PDE10A: variants seen among roughly 807,000 people sequenced by gnomAD.
PDE10A encodes cAMP and cAMP-inhibited cGMP 3',5'-cyclic phosphodiesterase 10A.
PDE10A carries 39 observed loss-of-function variants against 97.7 expected under a neutral mutation model. The ratio of observed to expected loss-of-function variants is 0.40; its 90% CI spans 0.31 to 0.52. The LOEUF (loss-of-function observed/expected upper bound fraction) is 0.52. Ranked by LOEUF, PDE10A falls within the 20% of genes least tolerant of loss-of-function variation. The pLI is 0.56. For missense variants in PDE10A, 731 were observed against 1,047.8 expected (o/e 0.70, Z 4.17); for synonymous variants, 371 against 376.8 (o/e 0.98, Z 0.18).
chr6:165,783,218 C>A (rs990589138), intron 1 of PDE10A, among the ~76,000 whole-genome samples: 1 of 152,154 alleles, frequency 6.6e-6, no homozygotes, highest in East Asian at 1.9e-4. Flanking sequence ...ACAGAGGGCA[C>A]CTCATCACAC....
At chr6:165,619,169 G>C (rs111210784) in intron 1 of PDE10A, among the ~76,000 whole-genome samples, 16,426 of 130,210 alleles carry the variant, frequency 0.13, 2,094 homozygotes, top group African/African-American at 0.3. Context: ...GTAGTGTAGT[G>C]TAGTCTAGTG....
chr6:165,746,246 A>C (rs1792839894), intron 1 of PDE10A, among the ~76,000 whole-genome samples: 1 of 152,208 alleles, frequency 6.6e-6, no homozygotes, highest in Non-Finnish European at 1.5e-5. Context: ...CAATTTGTTC[A>C]TTTTTATAAG....
chr6:165,467,647 AAATATT>A (rs1279736316), intron 3 of PDE10A, among the ~76,000 whole-genome samples: 1 of 152,222 alleles, frequency 6.6e-6, no homozygotes, highest in African/African-American at 2.4e-5. Flanking sequence ...ATTCCTTTCA[AAATATT>A]AATCCTTGGC....
chr6:165,617,042 C>A (rs886242160), intron 1 of PDE10A, among the ~76,000 whole-genome samples: 2 of 152,192 alleles, frequency 1.3e-5, no homozygotes, highest in African/African-American at 4.8e-5. Flanking sequence ...TAGAGATATT[C>A]TCAATAATGA....
intron 1 of PDE10A, chr6:165,939,378 C>T (rs1416993640): frequency 1.3e-5 from 2 of 152,118 alleles, no homozygotes; most frequent in Admixed American, 6.5e-5. Flanking sequence ...TTTTTTAAAA[C>T]GTTTGCATAG....
In PDE10A at chr6:165,418,100, C is replaced by A. The variant is rs1405198489; in HGVS notation, c.1796+535G>T. Among the ~76,000 whole-genome samples, 2 of 152,260 alleles carry A rather than the reference C, an allele frequency of 1.3e-5. No individual in the cohort carries two copies. The highest frequency in any genetic ancestry group is 3.9e-4 in the East Asian group (2 of 5,180). On this transcript the variant is annotated intron_variant, in intron 11 of 21. Transcript: ENST00000539869. The surrounding 1 kb of genome is among the most constrained non-coding windows in gnomAD (Gnocchi z 4.8). ...TCCATTCTGTTCATTTAAGTGACAA[C>A]GGCTGCCACTTAAAAAAACAAAGAC...
intron 1 of PDE10A, among the ~76,000 whole-genome samples, chr6:165,631,614 T>C (rs535612706): frequency 4.0e-4 from 61 of 152,362 alleles, no homozygotes; most frequent in African/African-American, 1.5e-3. Context: ...TTAAAGAGTT[T>C]CAACATTTTT....
intron 4 of PDE10A, among the ~76,000 whole-genome samples, chr6:165,449,232 A>G (rs1055799284): frequency 2.0e-4 from 31 of 152,262 alleles, no homozygotes; most frequent in African/African-American, 7.5e-4. Flanking sequence ...AACGTACCAC[A>G]TAGTAACATA....
chr6:165,943,226 AGAAAGAAAGAAGGAAG>A (rs1361600473), intron 1 of PDE10A, among the ~76,000 whole-genome samples: 828 of 49,770 alleles, frequency 0.017, 16 homozygotes, highest in Non-Finnish European at 0.02. Context: ...AAAGAAAGAA[AGAAAGAAAGAAGGAAG>A]GAAGGAAGGA....
intron 1 of PDE10A, among the ~76,000 whole-genome samples, chr6:165,784,236 G>GA (rs1562735276): frequency 6.7e-6 from 1 of 148,274 alleles, no homozygotes; most frequent in African/African-American, 2.6e-5. Flanking sequence ...AAAAAAAAAA[G>GA]AAAAAAGAAA....
chr6:165,814,532 T>A (rs1057273308), intron 1 of PDE10A, among the ~76,000 whole-genome samples: 1 of 152,110 alleles, frequency 6.6e-6, no homozygotes, highest in Admixed American at 6.6e-5. Context: ...CACGGCCATT[T>A]CCCCCATGAC....
At chr6:165,386,373 C>T (rs115548130) in intron 17 of PDE10A, among the ~76,000 whole-genome samples, 2,043 of 152,280 alleles carry the variant, frequency 0.013, 50 homozygotes, top group African/African-American at 0.046. Context: ...ATATTTAATA[C>T]AGCCTTTCTA....
chr6:165,411,045 C>CAA, intron 13 of PDE10A, among the ~76,000 whole-genome samples: 1 of 109,398 alleles, frequency 9.1e-6, no homozygotes, highest in African/African-American at 4.4e-5. Context: ...CGAGACAGCG[C>CAA]CACTGCCCTC....
intron 1 of PDE10A, among the ~76,000 whole-genome samples, chr6:165,591,386 C>CAT (rs1422837777): frequency 1.4e-4 from 22 of 152,212 alleles, no homozygotes; most frequent in African/African-American, 5.1e-4. Context: ...ATGAAATTAG[C>CAT]ATGATTGTAT....
At chr6:165,751,983 A>AC (rs1163047567) in intron 1 of PDE10A, among the ~76,000 whole-genome samples, 1 of 151,948 alleles carries the variant, frequency 6.6e-6, no homozygotes, top group East Asian at 1.9e-4. Context: ...ACTAAAAAAA[A>AC]AGTGAAAAAA....
chr6:165,436,986 T>A (rs563159340), intron 5 of PDE10A, among the ~76,000 whole-genome samples: 1 of 152,308 alleles, frequency 6.6e-6, no homozygotes, highest in South Asian at 2.1e-4. Context: ...AAATTGGAAT[T>A]GACAACGATT....
chr6:165,364,027 T>C (rs1783601812), intron 18 of PDE10A, among the ~76,000 whole-genome samples: 2 of 152,234 alleles, frequency 1.3e-5, no homozygotes, highest in Non-Finnish European at 2.9e-5. Flanking sequence ...TCACATGGAA[T>C]TGCTAGAGAC....
intron 1 of PDE10A, among the ~76,000 whole-genome samples, chr6:165,985,007 T>C (rs976226107): frequency 9.2e-5 from 14 of 152,200 alleles, no homozygotes; most frequent in Non-Finnish European, 2.1e-4. Flanking sequence ...AGAAGAGCCA[T>C]TGCCTCCATT....
intron 2 of PDE10A, among the ~76,000 whole-genome samples, chr6:165,527,130 C>G (rs139951453): frequency 6.6e-6 from 1 of 152,330 alleles, no homozygotes; most frequent in Non-Finnish European, 1.5e-5. Context: ...TGGGGCCTAT[C>G]AAGATATTCC....
Sources: gnomAD v4.1 joint callset for allele counts (sites outside exome capture counted in the v4.1 genomes callset) on GRCh38, gnomAD v4.1.1 for gene constraint, Gnocchi (gnomAD v3.1) non-coding constraint, MANE v1.5 for transcripts, NCBI Gene and HGNC (gene_info 2026-07-23, HGNC 2026-07-21) for gene names.